The following LRMDA variants were observed in gnomAD, a reference collection of about 807,000 sequenced individuals.
LRMDA encodes leucine-rich melanocyte differentiation-associated protein.
Under a neutral mutation model 29.8 loss-of-function variants are expected in LRMDA, and 18 were observed. The ratio of observed to expected loss-of-function variants is 0.60; its 90% CI spans 0.42 to 0.90. LRMDA has a LOEUF of 0.90. Ranked by LOEUF, LRMDA falls within the 40% of genes least tolerant of loss-of-function variation. LRMDA has a pLI of 0.00. For synonymous variants in LRMDA, 125 were observed against 109.4 expected (o/e 1.14, Z -0.89); for missense variants, 273 against 273.9 (o/e 1.00, Z 0.02).
chr10:76,358,150 C>T (rs1841265536), intron 6 of LRMDA, among the ~76,000 whole-genome samples: 2 of 152,152 alleles, frequency 1.3e-5, no homozygotes, highest in South Asian at 2.1e-4. Flanking sequence ...AAGCAGATCC[C>T]TCAGCTTTAT....
intron 5 of LRMDA, among the ~76,000 whole-genome samples, chr10:76,130,904 C>T (rs1000355100): frequency 1.3e-5 from 2 of 152,090 alleles, no homozygotes; most frequent in African/African-American, 4.8e-5. Flanking sequence ...CTCAGGTGAT[C>T]CACTCGCCTC....
chr10:76,462,931 C>T (rs1240853044), intron 6 of LRMDA, among the ~76,000 whole-genome samples: 4 of 152,182 alleles, frequency 2.6e-5, no homozygotes, highest in African/African-American at 4.8e-5. Flanking sequence ...TTACAAGTGC[C>T]TCATTCCTTC....
intron 2 of LRMDA, among the ~76,000 whole-genome samples, chr10:75,625,392 A>G (rs1209470694): frequency 5.9e-5 from 9 of 152,232 alleles, no homozygotes; most frequent in Admixed American, 5.2e-4. Context: ...AATCAAGGCC[A>G]TAAAGCCCGA....
chr10:76,464,835 G>A (rs1842548792), intron 6 of LRMDA: 1 of 152,090 alleles, frequency 6.6e-6, no homozygotes, highest in South Asian at 2.1e-4. Flanking sequence ...ATCTCTGTGT[G>A]CTCATATACA....
intron 2 of LRMDA, among the ~76,000 whole-genome samples, chr10:75,922,728 G>T (rs1846047000): frequency 6.6e-6 from 1 of 152,092 alleles, no homozygotes; most frequent in African/African-American, 2.4e-5. Context: ...ATGTCCTGAG[G>T]GTAGACACCA....
At chr10:75,928,170 G>T (rs926439615) in intron 2 of LRMDA, among the ~76,000 whole-genome samples, 2 of 152,134 alleles carry the variant, frequency 1.3e-5, no homozygotes, top group African/African-American at 4.8e-5. Flanking sequence ...TTGGGGTGGG[G>T]GGTGAATTCA....
At chr10:76,180,411 C>G (rs1851025182) in intron 5 of LRMDA, among the ~76,000 whole-genome samples, 1 of 149,992 alleles carries the variant, frequency 6.7e-6, no homozygotes, top group African/African-American at 2.5e-5. Context: ...TCCCAAGTGG[C>G]TGGGATTACA....
chr10:76,545,181 GTT>G (rs11291434), intron 6 of LRMDA, among the ~76,000 whole-genome samples: 40,640 of 140,456 alleles, frequency 0.29, 6,025 homozygotes, highest in Non-Finnish European at 0.35. Flanking sequence ...TTTTTATTTT[GTT>G]TTTTTTTTTT....
At chr10:76,521,926 T>G (rs1843125556) in intron 6 of LRMDA, among the ~76,000 whole-genome samples, 1 of 152,162 alleles carries the variant, frequency 6.6e-6, no homozygotes. Flanking sequence ...CCCAAAAGTG[T>G]GGCAGACACA....
chr10:75,923,976 A>G (rs534722184), intron 2 of LRMDA, among the ~76,000 whole-genome samples: 4 of 152,314 alleles, frequency 2.6e-5, no homozygotes, highest in African/African-American at 9.6e-5. Flanking sequence ...TCGGATTATC[A>G]TCAAATTTAT....
intron 5 of LRMDA, among the ~76,000 whole-genome samples, chr10:76,301,471 C>A (rs1285032737): frequency 6.6e-6 from 1 of 152,170 alleles, no homozygotes; most frequent in East Asian, 1.9e-4. Flanking sequence ...TAATACAGAT[C>A]ATTGCCCTTG....
At chr10:75,557,744 G>A (rs184884363) in intron 2 of LRMDA, among the ~76,000 whole-genome samples, 74 of 152,280 alleles carry the variant, frequency 4.9e-4, no homozygotes, top group African/African-American at 1.8e-3. Context: ...GCTGCGATTT[G>A]TCCACCCTTT....
At chr10:76,041,473 T>A (rs1349327989) in intron 3 of LRMDA, among the ~76,000 whole-genome samples, 1 of 152,228 alleles carries the variant, frequency 6.6e-6, no homozygotes, top group African/African-American at 2.4e-5. Flanking sequence ...CATATGTGAA[T>A]AAAAATGAGG....
intron 2 of LRMDA, among the ~76,000 whole-genome samples, chr10:75,754,703 G>C (rs947316182): frequency 6.6e-6 from 1 of 152,112 alleles, no homozygotes; most frequent in Admixed American, 6.5e-5. Flanking sequence ...TTTAATAGCT[G>C]TTCTTTCTTT....
intron 2 of LRMDA, among the ~76,000 whole-genome samples, chr10:75,546,719 T>C (rs1021905697): frequency 3.3e-5 from 5 of 151,802 alleles, no homozygotes; most frequent in East Asian, 1.9e-4. Context: ...TTTACTGTAG[T>C]CCGGAGAGAA....
chr10:76,320,272 G>T (rs531757743), intron 5 of LRMDA, among the ~76,000 whole-genome samples: 1 of 152,188 alleles, frequency 6.6e-6, no homozygotes, highest in African/African-American at 2.4e-5. Context: ...AAAATTATTA[G>T]TAACTCTTTG....
intron 6 of LRMDA, among the ~76,000 whole-genome samples, chr10:76,391,195 A>G (rs1230652138): frequency 2.0e-5 from 3 of 152,184 alleles, no homozygotes; most frequent in African/African-American, 4.8e-5. Context: ...GAATCCAGGA[A>G]GGAGTCTTCC....
chr10:75,677,229 A>C (rs1030198925), intron 2 of LRMDA, among the ~76,000 whole-genome samples: 2 of 152,192 alleles, frequency 1.3e-5, no homozygotes, highest in Non-Finnish European at 2.9e-5. Context: ...GACTTAATTT[A>C]TAGACTAAGA....
intron 2 of LRMDA, among the ~76,000 whole-genome samples, chr10:75,604,808 CCAAT>C (rs1564520468): frequency 6.6e-6 from 1 of 152,192 alleles, no homozygotes; most frequent in Non-Finnish European, 1.5e-5. Flanking sequence ...CCACCACTTA[CCAAT>C]CAGAGCTTGC....
Sources: allele counts gnomAD v4.1 joint callset (sites outside exome capture counted in the v4.1 genomes callset), GRCh38; gene constraint gnomAD v4.1.1; transcripts MANE v1.5; gene names NCBI Gene and HGNC (gene_info 2026-07-23, HGNC 2026-07-21).